The following SYN3 variants were observed in gnomAD, a reference collection of about 807,000 sequenced individuals.
SYN3 encodes the protein synapsin III.
In SYN3, 35 loss-of-function variants were observed where a neutral mutation model predicts 65.8. The ratio of observed to expected loss-of-function variants is 0.53; its 90% CI spans 0.41 to 0.70. The LOEUF (loss-of-function observed/expected upper bound fraction) is 0.70. Ranked by LOEUF, SYN3 falls within the 30% of genes least tolerant of loss-of-function variation. The probability of loss-of-function intolerance (pLI) is 0.00; values close to 1 mark genes in which losing one functional copy is unlikely to be tolerated. For synonymous variants in SYN3, 270 were observed against 292.9 expected, an observed-to-expected ratio of 0.92 and a Z score of 0.80; for missense variants, 680 against 749.0, an observed-to-expected ratio of 0.91 and a Z score of 1.08.
intron 2 of SYN3, among the ~76,000 whole-genome samples, chr22:32,988,988 A>G (rs1280860084): frequency 1.6e-5 from 2 of 128,290 alleles, no homozygotes; most frequent in Admixed American, 7.7e-5. Context: ...GGATAAGAAG[A>G]TCTACTCACA....
At chr22:32,946,319 T>C (rs1204279007) in intron 3 of SYN3, among the ~76,000 whole-genome samples, 1 of 152,060 alleles carries the variant, frequency 6.6e-6, no homozygotes, top group Non-Finnish European at 1.5e-5. Flanking sequence ...TAGACTGGAT[T>C]AAGAAAATGT....
At chr22:32,888,276 G>T (rs886569458) in intron 4 of SYN3, among the ~76,000 whole-genome samples, 1 of 152,162 alleles carries the variant, frequency 6.6e-6, no homozygotes. Flanking sequence ...GTCACTTAGA[G>T]ATAAAGTTAT....
intron 2 of SYN3, among the ~76,000 whole-genome samples, chr22:32,984,477 A>G (rs911928124): frequency 3.3e-5 from 5 of 152,082 alleles, no homozygotes; most frequent in African/African-American, 7.2e-5. Flanking sequence ...CCCCTCCCCA[A>G]ATGGTTGTCC....
chr22:32,908,239 C>T (rs1422499408), intron 4 of SYN3, among the ~76,000 whole-genome samples: 3 of 152,088 alleles, frequency 2.0e-5, no homozygotes, highest in South Asian at 2.1e-4. Flanking sequence ...GTGCCCACTA[C>T]CACGCCTGGC....
intron 6 of SYN3, among the ~76,000 whole-genome samples, chr22:32,673,034 A>G (rs1410069632): frequency 6.6e-6 from 1 of 152,208 alleles, no homozygotes; most frequent in Non-Finnish European, 1.5e-5. Flanking sequence ...GTGGGAAAAA[A>G]TGGATCTCAG....
At chr22:32,877,091 C>T (rs1225428219) in intron 4 of SYN3, among the ~76,000 whole-genome samples, 1 of 152,220 alleles carries the variant, frequency 6.6e-6, no homozygotes, top group African/African-American at 2.4e-5. Context: ...AGTCTGTGCC[C>T]TCTGGCCCCA....
chr22:32,539,197 G>C (rs942396405), intron 8 of SYN3, among the ~76,000 whole-genome samples: 1 of 152,138 alleles, frequency 6.6e-6, no homozygotes, highest in African/African-American at 2.4e-5. Context: ...TAAAAATGCT[G>C]AGAATAGATG....
At chr22:32,608,243 T>C (rs979460588) in intron 6 of SYN3, among the ~76,000 whole-genome samples, 1 of 152,118 alleles carries the variant, frequency 6.6e-6, no homozygotes, top group Non-Finnish European at 1.5e-5. Flanking sequence ...AATTTTTTTG[T>C]ATTTTTAGTA....
intron 6 of SYN3, among the ~76,000 whole-genome samples, chr22:32,772,712 G>C (rs1355045816): frequency 6.6e-6 from 1 of 152,156 alleles, no homozygotes; most frequent in African/African-American, 2.4e-5. Context: ...TAGTGTAGGA[G>C]ACCATGAGGC....
chr22:32,976,145 C>A (rs138497324), intron 3 of SYN3, among the ~76,000 whole-genome samples: 7 of 152,320 alleles, frequency 4.6e-5, no homozygotes, highest in African/African-American at 1.7e-4. Context: ...ATGAACAGGT[C>A]TCCCAACAGC....
At chr22:33,030,819 A>G (rs1466347171) in intron 1 of SYN3, among the ~76,000 whole-genome samples, 1 of 152,062 alleles carries the variant, frequency 6.6e-6, no homozygotes, top group African/African-American at 2.4e-5. Flanking sequence ...AGAGAAACAG[A>G]TACAGAGAGA....
At chr22:33,002,504 C>T (rs561410192) in intron 2 of SYN3, among the ~76,000 whole-genome samples, 3 of 152,092 alleles carry the variant, frequency 2.0e-5, no homozygotes, top group South Asian at 2.1e-4. Context: ...ATTACCCGGG[C>T]GTGGTGGCGC....
At chr22:32,981,793 G>T (rs1247067976) in intron 2 of SYN3, among the ~76,000 whole-genome samples, 1 of 151,934 alleles carries the variant, frequency 6.6e-6, no homozygotes, top group Non-Finnish European at 1.5e-5. Flanking sequence ...AATTTTAAAA[G>T]AATTAAAGGA....
At chr22:32,966,435 G>A (rs574549657) in intron 3 of SYN3, among the ~76,000 whole-genome samples, 53 of 152,266 alleles carry the variant, frequency 3.5e-4, no homozygotes, top group Middle Eastern at 3.4e-3. Flanking sequence ...GAGCACGGGA[G>A]GAGATGAGCA....
chr22:32,938,408 T>C (rs908046789), intron 3 of SYN3, among the ~76,000 whole-genome samples: 1 of 151,592 alleles, frequency 6.6e-6, no homozygotes, highest in African/African-American at 2.4e-5. Context: ...CGGGTGTCTG[T>C]AGTTCCAGCT....
chr22:33,054,087 T>C (rs1314421616), intron 1 of SYN3, among the ~76,000 whole-genome samples: 49 of 152,206 alleles, frequency 3.2e-4, no homozygotes. Flanking sequence ...TCGCATCTCC[T>C]ATGAATAGTT....
chr22:32,654,532 C>T (rs559345012), intron 6 of SYN3, among the ~76,000 whole-genome samples: 31 of 152,304 alleles, frequency 2.0e-4, no homozygotes, highest in Admixed American at 2.0e-3. Context: ...CCCCTGCCTA[C>T]GTGGCTCAGA....
At chr22:32,858,922 C>A (rs1435813721) in intron 6 of SYN3, among the ~76,000 whole-genome samples, 5 of 152,168 alleles carry the variant, frequency 3.3e-5, no homozygotes, top group African/African-American at 9.7e-5. Context: ...GCTGTGTGAC[C>A]TGCAGCAAGT....
chr22:32,646,058 T>A (rs1242928750), intron 6 of SYN3, among the ~76,000 whole-genome samples: 1 of 152,112 alleles, frequency 6.6e-6, no homozygotes, highest in Non-Finnish European at 1.5e-5. Flanking sequence ...AGAGTGGAAG[T>A]GGCTGCTTGA....
Sources: gnomAD v4.1 joint callset for allele counts (sites outside exome capture counted in the v4.1 genomes callset) on GRCh38, gnomAD v4.1.1 for gene constraint, MANE v1.5 for transcripts, NCBI Gene and HGNC (gene_info 2026-07-23, HGNC 2026-07-21) for gene names.